Variants in FHIP1A observed in about 807,000 individuals in gnomAD.
FHIP1A encodes FHF complex subunit HOOK interacting protein 1A.
Under a neutral mutation model 88.6 loss-of-function variants are expected in FHIP1A, and 61 were observed. The observed-to-expected ratio is 0.69, with a 90% CI of 0.56 to 0.85. The LOEUF (loss-of-function observed/expected upper bound fraction) is 0.85. FHIP1A is among the 40% of genes least tolerant of loss of function. FHIP1A has a pLI of 0.00. For synonymous variants in FHIP1A, 478 were observed against 496.0 expected (o/e 0.96, Z 0.48); for missense variants, 1,154 against 1,273.5 (o/e 0.91, Z 1.43).
chr4:151,504,475 T>C (rs1396730159), intron 3 of FHIP1A, among the ~76,000 whole-genome samples: 1 of 152,226 alleles, frequency 6.6e-6, no homozygotes, highest in African/African-American at 2.4e-5. Flanking sequence ...TTACTCAGGA[T>C]GTTTGAAGTT....
Position 151,669,667 on chromosome 4 carries a change from T to G in FHIP1A, c.*6913T>G, listed in dbSNP as rs1737789320. The G allele has an allele frequency of 6.6e-6, 1 of 152,208 alleles. No homozygotes were observed. Among genetic ancestry groups the G allele is most frequent in the Non-Finnish European group, 1.5e-5 (1 of 68,040 alleles). 9.4% of individuals were successfully genotyped at this position (152,208 alleles called of 1,614,324 possible). A position where few individuals can be genotyped will look rare whatever the true frequency, so the allele number is the denominator to read the frequency against. ...TTGTAGAGAGATTTGGTGAAAATCA[T>G]GTTACTTTAGACCCAGTAGTTTTCA... is the stretch of plus-strand genomic sequence containing the variant. On this transcript the variant is annotated 3_prime_UTR_variant, in exon 14 of 14. Transcript: ENST00000435205.
chr4:151,590,949 C>G (rs1296835339), intron 7 of FHIP1A, among the ~76,000 whole-genome samples: 1 of 152,102 alleles, frequency 6.6e-6, no homozygotes, highest in Non-Finnish European at 1.5e-5. Context: ...TTTGAATTTC[C>G]AACCCCTAAT....
At chr4:151,578,778 A>G (rs1375718775) in intron 5 of FHIP1A, among the ~76,000 whole-genome samples, 1 of 152,204 alleles carries the variant, frequency 6.6e-6, no homozygotes, top group East Asian at 1.9e-4. Context: ...ACTTATGTCC[A>G]CCCAAAAACC....
At chr4:151,492,798 G>A (rs967783472) in intron 3 of FHIP1A, among the ~76,000 whole-genome samples, 9 of 152,026 alleles carry the variant, frequency 5.9e-5, no homozygotes, top group Non-Finnish European at 1.2e-4. Context: ...TGATAATAGT[G>A]ACAACTGATC....
Position 151,414,520 on chromosome 4 carries a change from A to G in FHIP1A, c.-356+5055A>G, listed in dbSNP as rs560703585. Among the ~76,000 whole-genome samples, 33 of 152,344 alleles carry G rather than the reference A, an allele frequency of 2.2e-4. No individual in the cohort carries two copies. In the South Asian group the frequency reaches 6.8e-3, roughly 32 times the overall value. On this transcript the variant is annotated intron_variant, in intron 1 of 13. Coordinates refer to ENST00000435205, the MANE Select transcript of FHIP1A (RefSeq NM_001109977.3). The stretch of plus-strand genomic sequence containing the variant: ...TCTGTAATTACTTTTACTTAGAAGT[A>G]GAGATGTGCGGTTTGTCTGCAATGT...
intron 3 of FHIP1A, among the ~76,000 whole-genome samples, chr4:151,491,346 T>G (rs1018501147): frequency 1.3e-5 from 2 of 152,182 alleles, no homozygotes; most frequent in Non-Finnish European, 2.9e-5. Context: ...TTTAGCTTCC[T>G]TAAACAGAAT....
At chr4:151,619,071 G>A (rs1326127416) in intron 7 of FHIP1A, among the ~76,000 whole-genome samples, 1 of 152,126 alleles carries the variant, frequency 6.6e-6, no homozygotes, top group African/African-American at 2.4e-5. Flanking sequence ...AACAGGAAGC[G>A]GGAGCTGATA....
chr4:151,646,672 C>T lies in FHIP1A; in HGVS notation c.1341C>T (p.Ser447=), dbSNP rs765246520. ...TCGCCTTGACTCCTGTCTGCTGCTC[C>T]AGCGGGATCACTCTGACGCTGGGGA... ...KLLALTPVCC[S]SGITLTLGNQ... The change falls in exon 10 of 14, where the codon TCC becomes TCT. Residue 447 remains serine, a synonymous_variant. Coordinates refer to ENST00000435205, the MANE Select transcript of FHIP1A (RefSeq NM_001109977.3). 2 of 1,551,608 alleles carry T rather than the reference C, an allele frequency of 1.3e-6. No individual in the cohort carries two copies. The highest frequency in any genetic ancestry group is 2.4e-5 in the South Asian group (2 of 84,060).
Position 151,478,631 on chromosome 4 carries a change from G to T in FHIP1A, c.-247-3893G>T, listed in dbSNP as rs1158457950. ...AACCAAAGATGTCAAATAATATTGG[G>T]CTAAACAAAACTAAGCAGACTTCTT... On this transcript the variant is annotated intron_variant, in intron 2 of 13. Coordinates refer to ENST00000435205, the MANE Select transcript of FHIP1A (RefSeq NM_001109977.3). Among the ~76,000 whole-genome samples the T allele has an allele frequency of 3.9e-5, 6 of 152,058 alleles. No individual in the cohort carries two copies. In the East Asian group the frequency reaches 1.2e-3, roughly 29 times the overall value.
chr4:151,577,428 C>A, intron 4 of FHIP1A, 22 bp from the exon 5 acceptor site: 1 of 1,499,634 alleles, frequency 6.7e-7, no homozygotes, highest in South Asian at 1.3e-5. Flanking sequence ...AGATGGATGA[C>A]AAATGCTTGA....
intron 9 of FHIP1A, among the ~76,000 whole-genome samples, chr4:151,641,380 G>A (rs551757843): frequency 2.0e-5 from 3 of 152,358 alleles, no homozygotes; most frequent in East Asian, 3.8e-4. Context: ...AAGATTATTG[G>A]GAGGATCAAC....
At chr4:151,575,931 G>A (rs1279676390) in intron 4 of FHIP1A, among the ~76,000 whole-genome samples, 1 of 152,130 alleles carries the variant, frequency 6.6e-6, no homozygotes, top group African/African-American at 2.4e-5. Flanking sequence ...GACCTGGAGG[G>A]TACTGCAAAA....
chr4:151,502,726 C>T lies in FHIP1A; in HGVS notation c.-123+20078C>T, dbSNP rs1310077190. 1.1e-4 allele frequency among the ~76,000 whole-genome samples: 16 copies of T among 152,216 alleles called. No individual in the cohort carries two copies. In the East Asian group the frequency reaches 3.1e-3, roughly 29 times the overall value. ...TACAGAAGGAGAGTTTCATTTGAGG[C>T]CATTCAGTTTATTATTAATATTCTT... On this transcript the variant is annotated intron_variant, in intron 3 of 13. Transcript: ENST00000435205.
intron 1 of FHIP1A, among the ~76,000 whole-genome samples, chr4:151,437,364 A>G (rs1040958055): frequency 6.6e-6 from 1 of 152,118 alleles, no homozygotes. Flanking sequence ...AAAATGTTGA[A>G]TATAAGAGCC....
chr4:151,514,878 A>G (rs1731170278), intron 3 of FHIP1A, among the ~76,000 whole-genome samples: 2 of 152,352 alleles, frequency 1.3e-5, no homozygotes, highest in South Asian at 4.1e-4. Context: ...CAGAGGTACA[A>G]GGAGGAACTG....
intron 2 of FHIP1A, among the ~76,000 whole-genome samples, chr4:151,478,805 G>A (rs1225871438): frequency 1.3e-5 from 2 of 152,028 alleles, no homozygotes; most frequent in Non-Finnish European, 2.9e-5. Context: ...ATGAGTAGTT[G>A]TCACATTGGG....
At chr4:151,412,693 T>C (rs1732714460) in intron 1 of FHIP1A, among the ~76,000 whole-genome samples, 1 of 143,722 alleles carries the variant, frequency 7.0e-6, no homozygotes, top group Admixed American at 6.9e-5. Flanking sequence ...CTTTCTTTTT[T>C]TTTTTTTTTT....
chr4:151,654,934 T>A (rs1054401167), intron 11 of FHIP1A, among the ~76,000 whole-genome samples: 5 of 152,278 alleles, frequency 3.3e-5, no homozygotes, highest in Admixed American at 2.6e-4. Flanking sequence ...CTTAGAGACA[T>A]CCTTAGTGTT....
intron 7 of FHIP1A, among the ~76,000 whole-genome samples, chr4:151,592,781 T>A (rs745474628): frequency 2.6e-5 from 4 of 152,242 alleles, no homozygotes; most frequent in Non-Finnish European, 5.9e-5. Flanking sequence ...ATCCCATTTA[T>A]CAATTTTGGC....
Sources: gnomAD v4.1 joint callset for allele counts (sites outside exome capture counted in the v4.1 genomes callset) on GRCh38, gnomAD v4.1.1 for gene constraint, MANE v1.5 for transcripts, NCBI Gene and HGNC (gene_info 2026-07-23, HGNC 2026-07-21) for gene names.